NBPF15: variants seen among roughly 807,000 people sequenced by gnomAD.
NBPF15 encodes the protein NBPF family member NBPF15.
In NBPF15, 74 loss-of-function variants were observed where a neutral mutation model predicts 62.2. That is an observed-to-expected ratio of 1.19 (90% CI 0.99 to 1.44). The LOEUF (loss-of-function observed/expected upper bound fraction) is 1.44, where lower values mean the gene tolerates loss of function less well. NBPF15 is among the 40% of genes most tolerant of loss of function. NBPF15 has a pLI of 0.00. For synonymous variants in NBPF15, 244 were observed against 209.7 expected, an observed-to-expected ratio of 1.16 and a Z score of -1.41; for missense variants, 790 against 550.0, an observed-to-expected ratio of 1.44 and a Z score of -4.36.
At chr1:144,455,667 A>T (rs1422469350) in intron 4 of NBPF15, among the ~76,000 whole-genome samples, 1 of 151,966 alleles carries the variant, frequency 6.6e-6, no homozygotes, top group African/African-American at 2.4e-5. Context: ...TCCATTTGTC[A>T]TTCTCACTGG....
rs183878441 is a variant in NBPF15 at position 144,451,881 on chromosome 1, G to T, written c.-431-1011C>A. Among the ~76,000 whole-genome samples the T allele has an allele frequency of 3.0e-4, 45 of 151,878 alleles. 2 individuals are homozygous for T. The highest frequency in any genetic ancestry group is 1.1e-3 in the African/African-American group (44 of 41,302). On this transcript the variant is annotated intron_variant, in intron 4 of 21. Transcript: ENST00000581897. ...TTTTCCCCACAGTTCAGGTCAGGCC[G>T]TGGCTCATGTCTGTAATCCTAGCAC... is the stretch of plus-strand genomic sequence containing the variant.
At chr1:144,454,889 G>T (rs1693395976) in intron 4 of NBPF15, among the ~76,000 whole-genome samples, 1 of 148,924 alleles carries the variant, frequency 6.7e-6, no homozygotes, top group Non-Finnish European at 1.5e-5. Flanking sequence ...GAGGCTGGGA[G>T]GACCTAAGGG....
Position 144,424,832 on chromosome 1 carries a change from C to A in NBPF15, c.1521G>T (p.Glu507Asp). The A allele has an allele frequency of 1.7e-6, 1 of 579,806 alleles. No individual in the cohort carries two copies. Among genetic ancestry groups the A allele is most frequent in the Non-Finnish European group, 3.0e-6 (1 of 333,744 alleles). The allele number at this position is 579,806 out of a possible 1,614,324, so 35.9% of individuals were successfully genotyped here. The stretch of plus-strand genomic sequence containing the variant: ...CCAGTGAGTCCTGCAAGACTTCAGG[C>A]TCTACTACCTCCAGCAGCTCCCTGC... The part of the protein sequence containing the change: ...RLSRELLEVV[E>D]PEVLQDSLDR... Residue 507 changes from glutamate to aspartate, a missense_variant, in exon 20 of 22, where the codon GAG becomes GAT. Physicochemically the swap from Glu to Asp is conservative, Grantham distance 45. Transcript: ENST00000581897.
At chr1:144,429,371 C>T (rs1299610622) in intron 14 of NBPF15, among the ~76,000 whole-genome samples, 1 of 151,196 alleles carries the variant, frequency 6.6e-6, no homozygotes, top group Admixed American at 6.6e-5. Flanking sequence ...ACATTTAATT[C>T]AGATGAGCTG....
intron 4 of NBPF15, among the ~76,000 whole-genome samples, 174 bp from the exon 5 acceptor site, chr1:144,451,044 C>A (rs192972565): frequency 4.6e-5 from 7 of 152,046 alleles, no homozygotes; most frequent in African/African-American, 1.4e-4. Flanking sequence ...CCCATGCCAG[C>A]ACTGGCCTCT....
intron 6 of NBPF15, among the ~76,000 whole-genome samples, chr1:144,442,345 T>C (rs1402138321): frequency 7.3e-6 from 1 of 136,594 alleles, no homozygotes; most frequent in Non-Finnish European, 1.6e-5. Context: ...GTGCCATGTA[T>C]ATATATATAC....
intron 6 of NBPF15, among the ~76,000 whole-genome samples, chr1:144,447,185 C>T (rs1414438857): frequency 1.3e-5 from 2 of 152,292 alleles, no homozygotes; most frequent in African/African-American, 4.8e-5. Context: ...CATCTCCCGC[C>T]ATGACCTCCA....
chr1:144,438,991 T>C (rs1273593608), intron 8 of NBPF15, among the ~76,000 whole-genome samples: 1 of 151,508 alleles, frequency 6.6e-6, no homozygotes, highest in Non-Finnish European at 1.5e-5. Flanking sequence ...ATCATTATTA[T>C]TATTATTTTT....
At chr1:144,433,423 T>C (rs1571123421) in intron 13 of NBPF15, among the ~76,000 whole-genome samples, 1 of 150,836 alleles carries the variant, frequency 6.6e-6, no homozygotes. Flanking sequence ...ATTCAAAAGC[T>C]AGCAGAAGAC....
At chr1:144,459,032 C>T (rs1252743366) in intron 3 of NBPF15, among the ~76,000 whole-genome samples, 1 of 149,298 alleles carries the variant, frequency 6.7e-6, no homozygotes, top group Non-Finnish European at 1.5e-5. Context: ...AGAGTGAGGC[C>T]CTGTCTGAAA....
intron 3 of NBPF15, among the ~76,000 whole-genome samples, chr1:144,457,944 G>A (rs587653057): frequency 1.9e-4 from 29 of 151,858 alleles, no homozygotes; most frequent in African/African-American, 4.6e-4. Context: ...AAAATTAGCC[G>A]GGCATAGTGG....
intron 15 of NBPF15, among the ~76,000 whole-genome samples, 162 bp downstream of exon 15, chr1:144,428,444 C>T (rs1571113310): frequency 6.6e-6 from 1 of 152,076 alleles, no homozygotes; most frequent in South Asian, 2.1e-4. Context: ...AAATGGAAAC[C>T]TAAACATTTA....
chr1:144,444,788 T>C (rs1553543569), intron 6 of NBPF15, among the ~76,000 whole-genome samples: 1 of 151,952 alleles, frequency 6.6e-6, no homozygotes, highest in African/African-American at 2.4e-5. Context: ...CCCCAGTTCA[T>C]CTGTGTCTTG....
intron 4 of NBPF15, among the ~76,000 whole-genome samples, chr1:144,451,514 T>C (rs1422739402): frequency 6.6e-6 from 1 of 151,784 alleles, no homozygotes; most frequent in African/African-American, 2.4e-5. Context: ...GACTATCACA[T>C]GGGGAGAAAC....
At chr1:144,442,174 A>G (rs1207890469) in intron 6 of NBPF15, among the ~76,000 whole-genome samples, 1 of 111,154 alleles carries the variant, frequency 9.0e-6, no homozygotes, top group African/African-American at 3.9e-5. Context: ...ATATATATAT[A>G]TATATAATAT....
At chr1:144,429,368 A>G (rs1314262656) in intron 14 of NBPF15, among the ~76,000 whole-genome samples, 1 of 151,240 alleles carries the variant, frequency 6.6e-6, no homozygotes, top group Non-Finnish European at 1.5e-5. Context: ...GAGACATTTA[A>G]TTCAGATGAG....
chr1:144,455,436 C>T (rs1190589917), intron 4 of NBPF15, among the ~76,000 whole-genome samples: 50 of 152,138 alleles, frequency 3.3e-4, no homozygotes, highest in East Asian at 1.2e-3. Context: ...GCTGTTTCCA[C>T]GGGGTACAAC....
chr1:144,444,924 T>A (rs6669739), intron 6 of NBPF15, among the ~76,000 whole-genome samples: 1 of 151,936 alleles, frequency 6.6e-6, no homozygotes, highest in Non-Finnish European at 1.5e-5. Context: ...ATTTGTGTTA[T>A]GTTTAACCTT....
rs1488317483 is a variant in NBPF15 at position 144,427,725 on chromosome 1, T to C, written c.1213+93A>G. On this transcript the variant is annotated intron_variant, in intron 16 of 21. Coordinates refer to ENST00000581897, the MANE Select transcript of NBPF15 (RefSeq NM_001385408.1). ...ATAGGTCCTCCCTGTGGCAATGACA[T>C]CTCTCAGCTCAGTAAGGGCCACTTG... 802 of 607,634 alleles carry C rather than the reference T, an allele frequency of 1.3e-3. 12 individuals are homozygous for C. The highest frequency in any genetic ancestry group is 0.013 in the African/African-American group (653 of 49,950). 37.6% of individuals were successfully genotyped at this position (607,634 alleles called of 1,614,324 possible). A position where few individuals can be genotyped will look rare whatever the true frequency, so the allele number is the denominator to read the frequency against.
Sources: allele counts gnomAD v4.1 joint callset (sites outside exome capture counted in the v4.1 genomes callset), GRCh38; gene constraint gnomAD v4.1.1; transcripts MANE v1.5; gene names NCBI Gene and HGNC (gene_info 2026-07-23, HGNC 2026-07-21).